NPLOC4: variants seen among roughly 807,000 people sequenced by gnomAD.
NPLOC4 encodes nuclear protein localization protein 4 homolog.
Under a neutral mutation model 80.6 loss-of-function variants are expected in NPLOC4, and 18 were observed. The observed-to-expected ratio is 0.22, with a 90% confidence interval of 0.15 to 0.33. The LOEUF (loss-of-function observed/expected upper bound fraction) is 0.33. Ranked by LOEUF, NPLOC4 falls within the 10% of genes least tolerant of loss-of-function variation. NPLOC4 has a pLI of 1.00. For missense variants in NPLOC4, 540 were observed against 786.1 expected, an observed-to-expected ratio of 0.69 and a Z score of 3.74; for synonymous variants, 313 against 301.5, an observed-to-expected ratio of 1.04 and a Z score of -0.39.
intron 5 of NPLOC4, among the ~76,000 whole-genome samples, chr17:81,609,894 G>A (rs993629258): frequency 6.6e-6 from 1 of 152,176 alleles, no homozygotes; most frequent in South Asian, 2.1e-4. Flanking sequence ...TGATAAGCAC[G>A]GAGGCCGACA....
chr17:81,610,958 CA>C (rs1243703301), intron 4 of NPLOC4, among the ~76,000 whole-genome samples: 180 of 15,996 alleles, frequency 0.011, 3 homozygotes, highest in African/African-American at 0.023. Flanking sequence ...GACTCCGTCT[CA>C]AAAAAAAAAA....
chr17:81,574,455 C>T (rs769379860), intron 12 of NPLOC4, among the ~76,000 whole-genome samples: 4 of 152,190 alleles, frequency 2.6e-5, no homozygotes, highest in African/African-American at 7.2e-5. Context: ...ATCCCTAGGC[C>T]TACACACCAT....
Position 81,569,005 on chromosome 17 carries a change from A to G in NPLOC4, c.1449+11T>C. The G allele has an allele frequency of 6.5e-7, 1 of 1,544,886 alleles. No individual in the cohort carries two copies. Among genetic ancestry groups the G allele is most frequent in the Non-Finnish European group, 8.9e-7 (1 of 1,119,764 alleles). ...TACCTTAAATTATGTTTCTAAAGAC[A>G]AAGAGCTCACCTGTGTCTCACCCAA... On this transcript the variant is annotated intron_variant, in intron 14 of 16. Transcript: ENST00000331134.
chr17:81,616,252 C>A (rs1311888288), intron 3 of NPLOC4, among the ~76,000 whole-genome samples: 1 of 141,722 alleles, frequency 7.1e-6, no homozygotes, highest in Admixed American at 7.6e-5. Context: ...ACCCAGGAGG[C>A]GGAGCTTGCA....
chr17:81,583,438 T>G (rs2034495389), intron 12 of NPLOC4, among the ~76,000 whole-genome samples: 1 of 152,258 alleles, frequency 6.6e-6, no homozygotes. Flanking sequence ...AGAGTAGTTA[T>G]CATTAAATAT....
At chr17:81,581,618 C>A (rs1030173103) in intron 12 of NPLOC4, among the ~76,000 whole-genome samples, 1 of 152,184 alleles carries the variant, frequency 6.6e-6, no homozygotes, top group Non-Finnish European at 1.5e-5. Flanking sequence ...CTCACTCCCC[C>A]ACAACGATTA....
chr17:81,595,627 C>T (rs2034889611), intron 11 of NPLOC4, among the ~76,000 whole-genome samples: 1 of 151,576 alleles, frequency 6.6e-6, no homozygotes, highest in Admixed American at 6.6e-5. Context: ...TCACTGCAAC[C>T]TCCGCCTGAT....
At chr17:81,619,167 C>A (rs1392075439) in intron 3 of NPLOC4, among the ~76,000 whole-genome samples, 10 of 151,162 alleles carry the variant, frequency 6.6e-5, no homozygotes, top group African/African-American at 2.4e-4. Flanking sequence ...CCTGCCAAAT[C>A]CCCCTCTGCG....
At chr17:81,594,076 A>C (rs1009181800) in intron 11 of NPLOC4, among the ~76,000 whole-genome samples, 1 of 152,024 alleles carries the variant, frequency 6.6e-6, no homozygotes, top group Admixed American at 6.5e-5. Context: ...GATCGAGACC[A>C]TCCTGGCTAA....
intron 12 of NPLOC4, chr17:81,573,580 C>T (rs1016475449): frequency 6.6e-6 from 1 of 152,216 alleles, no homozygotes; most frequent in Non-Finnish European, 1.5e-5. Context: ...CCTTTCCTCA[C>T]TATTGTACTT....
chr17:81,606,103 T>C (rs979623387), intron 7 of NPLOC4, among the ~76,000 whole-genome samples: 5 of 152,080 alleles, frequency 3.3e-5, no homozygotes, highest in African/African-American at 4.8e-5. Context: ...ATTACAGGTG[T>C]GAGCCACCTT....
At chr17:81,622,345 A>G (rs6565606) in intron 2 of NPLOC4, 67 bp from the exon 3 acceptor site, 310,475 of 1,092,816 alleles carry the variant, frequency 0.28, 51,013 homozygotes, top group East Asian at 0.68. Context: ...TACCATACAC[A>G]CCAGACACTA....
At chr17:81,559,492 G>A (rs1387389125) in intron 16 of NPLOC4, 76 bp from the exon 17 acceptor site, 14 of 1,481,432 alleles carry the variant, frequency 9.5e-6, no homozygotes, top group Non-Finnish European at 1.3e-5. Context: ...CATGGGGGCA[G>A]GGGCAGGCAG....
intron 16 of NPLOC4, among the ~76,000 whole-genome samples, chr17:81,560,044 G>C (rs914392906): frequency 2.0e-5 from 3 of 151,796 alleles, no homozygotes; most frequent in Admixed American, 2.0e-4. Flanking sequence ...CTCCAGTTTT[G>C]AGCTAATATG....
At chr17:81,568,890 A>G in intron 14 of NPLOC4, 126 bp downstream of exon 14, 1 of 679,734 alleles carries the variant, frequency 1.5e-6, no homozygotes, top group South Asian at 1.8e-5. Flanking sequence ...AGTAGGCCCT[A>G]GCTGGCCTGT....
rs577223815 is a variant in NPLOC4, at chr17:81,572,943, CAA to C, written c.1282-857_1282-856del. 3.4e-3 allele frequency among the ~76,000 whole-genome samples: 521 copies of C among 152,324 alleles called. 1 individual carries two copies. Among genetic ancestry groups the C allele is most frequent in the Middle Eastern group, 0.014 (4 of 294 alleles). On this transcript the variant is annotated intron_variant, in intron 12 of 16. Coordinates refer to ENST00000331134, the MANE Select transcript of NPLOC4 (RefSeq NM_017921.4). The surrounding 1 kb of genome is among the most constrained non-coding windows in gnomAD (Gnocchi z 4.5). ...ACACGGGAACCCCACACCAATCTGT[CAA>C]AGTCTCAACTTGTTTTGCTTTGTCA...
chr17:81,559,154 A>G lies in NPLOC4; in HGVS notation c.*105T>C. On this transcript the variant is annotated 3_prime_UTR_variant, in exon 17 of 17. Transcript: ENST00000331134. ...AGGACAGCCAGCCCCTTGTTCCTCCAGGGCTGCCCACTATGGGGCAGTTAC... is the reference window on the plus strand; with the variant it reads ...AGGACAGCCAGCCCCTTGTTCCTCCGGGGCTGCCCACTATGGGGCAGTTAC... The G allele has an allele frequency of 1.8e-5, 23 of 1,288,344 alleles. No homozygotes were observed. Among genetic ancestry groups the G allele is most frequent in the Non-Finnish European group, 2.4e-5 (23 of 955,986 alleles). The allele number at this position is 1,288,344 out of a possible 1,614,324, so 79.8% of individuals were successfully genotyped here.
intron 11 of NPLOC4, among the ~76,000 whole-genome samples, chr17:81,595,443 A>C (rs1351409893): frequency 3.7e-5 from 5 of 136,652 alleles, no homozygotes; most frequent in Non-Finnish European, 7.8e-5. Context: ...AAAAAAAAAA[A>C]CCCGTTTTGC....
intron 1 of NPLOC4, among the ~76,000 whole-genome samples, chr17:81,631,462 T>TCCCCC (rs79975064): frequency 5.7e-5 from 7 of 123,844 alleles, no homozygotes; most frequent in Admixed American, 3.3e-4. Context: ...TTTTTTTTTT[T>TCCCCC]CCCCCACGGC....
Sources: gnomAD v4.1 joint callset for allele counts (sites outside exome capture counted in the v4.1 genomes callset) on GRCh38, gnomAD v4.1.1 for gene constraint, Gnocchi (gnomAD v3.1) non-coding constraint, MANE v1.5 for transcripts, NCBI Gene and HGNC (gene_info 2026-07-23, HGNC 2026-07-21) for gene names.